Variants in TSNARE1 observed in about 807,000 individuals in gnomAD.
TSNARE1 encodes t-SNARE domain containing 1, also known as t-SNARE domain-containing protein 1.
Under a neutral mutation model 62.0 loss-of-function variants are expected in TSNARE1, and 49 were observed. The ratio of observed to expected loss-of-function variants is 0.79; its 90% CI spans 0.63 to 1.00. TSNARE1 has a LOEUF of 1.00. TSNARE1 is among the 50% of genes least tolerant of loss of function. The pLI is 0.00. For synonymous variants in TSNARE1, 328 were observed against 294.4 expected (o/e 1.11, Z -1.17); for missense variants, 755 against 700.1 (o/e 1.08, Z -0.88).
intron 4 of TSNARE1, among the ~76,000 whole-genome samples, chr8:142,339,301 C>T (rs559314258): frequency 1.3e-5 from 2 of 152,136 alleles, no homozygotes; most frequent in African/African-American, 4.8e-5. Context: ...GCGAAGTTGA[C>T]GTTGACTAAG....
intron 9 of TSNARE1, among the ~76,000 whole-genome samples, chr8:142,306,213 G>C (rs536660700): frequency 6.6e-6 from 1 of 152,268 alleles, no homozygotes; most frequent in African/African-American, 2.4e-5. Flanking sequence ...CCAGCCCCAC[G>C]TTAAATCAAA....
intron 6 of TSNARE1, among the ~76,000 whole-genome samples, chr8:142,330,658 G>A (rs1442284044): frequency 2.0e-5 from 3 of 152,234 alleles, no homozygotes; most frequent in African/African-American, 4.8e-5. Context: ...CTACGTCGGG[G>A]CGGGGTGCAC....
Position 142,282,039 on chromosome 8 carries a change from C to G in TSNARE1, c.1363+2374G>C, listed in dbSNP as rs117457718. On this transcript the variant is annotated intron_variant, in intron 11 of 13. Coordinates refer to ENST00000524325, the MANE Select transcript of TSNARE1 (RefSeq NM_145003.5). ...CGCTAAGGTAGGACCTGACTCTAGGCACCCGGGCACCCCTGCTGCTTCACT... is the reference window on the plus strand; with the variant it reads ...CGCTAAGGTAGGACCTGACTCTAGGGACCCGGGCACCCCTGCTGCTTCACT... Among the ~76,000 whole-genome samples, 470 of 152,342 alleles carry G rather than the reference C, an allele frequency of 3.1e-3. 13 individuals carry two copies. The East Asian group carries it at 0.076, about 25-fold the overall frequency.
At chr8:142,392,721 G>A (rs1837617212) in intron 1 of TSNARE1, among the ~76,000 whole-genome samples, 1 of 152,152 alleles carries the variant, frequency 6.6e-6, no homozygotes, top group Non-Finnish European at 1.5e-5. Context: ...GATCACCTGA[G>A]GTCGGGAGTT....
In TSNARE1 at chr8:142,233,107, A is replaced by ACC. The variant is rs533438528; in HGVS notation, c.1447-3530_1447-3529dup. On this transcript the variant is annotated intron_variant, in intron 12 of 13. Coordinates refer to ENST00000524325, the MANE Select transcript of TSNARE1 (RefSeq NM_145003.5). ...CACACAGCCCCCACTCATAGGGCTG[A>ACC]CCTTTCTGGCTCCCCAGTGAAAATG... is the stretch of plus-strand genomic sequence containing the variant. Among the ~76,000 whole-genome samples the ACC allele has an allele frequency of 2.7e-3, 417 of 152,264 alleles. 3 individuals carry two copies. The highest frequency in any genetic ancestry group is 0.024 in the Middle Eastern group (7 of 294).
chr8:142,255,758 CCAT>C (rs1563781232), intron 12 of TSNARE1, among the ~76,000 whole-genome samples: 16 of 51,044 alleles, frequency 3.1e-4, no homozygotes, highest in Non-Finnish European at 7.4e-4. Flanking sequence ...ATCACCACCA[CCAT>C]CACCATCACC....
intron 12 of TSNARE1, among the ~76,000 whole-genome samples, chr8:142,233,960 T>A (rs1046535931): frequency 1.3e-5 from 2 of 152,104 alleles, no homozygotes; most frequent in Non-Finnish European, 2.9e-5. Flanking sequence ...CTCACCTCCT[T>A]CCCCAGTGGA....
At chr8:142,402,422 G>T (rs1007654470) in intron 1 of TSNARE1, among the ~76,000 whole-genome samples, 2 of 152,214 alleles carry the variant, frequency 1.3e-5, no homozygotes, top group African/African-American at 2.4e-5. Flanking sequence ...ACATGCCTAG[G>T]GGCTACCACA....
intron 1 of TSNARE1, among the ~76,000 whole-genome samples, chr8:142,368,201 A>G (rs367959218): frequency 1.2e-4 from 18 of 152,322 alleles, no homozygotes; most frequent in African/African-American, 4.3e-4. Context: ...TTTGCAACAT[A>G]TGCCAAAGGA....
Position 142,319,795 on chromosome 8 carries a change from C to A in TSNARE1, c.894-1161G>T, listed in dbSNP as rs1323873748. On this transcript the variant is annotated intron_variant, in intron 6 of 13. Coordinates refer to ENST00000524325, the MANE Select transcript of TSNARE1 (RefSeq NM_145003.5). The surrounding 1 kb of genome is among the most constrained non-coding windows in gnomAD (Gnocchi z 4.9). Reference sequence around the variant, plus strand: ...GCACACAGAGGAGTAAGACTGCCCCCCCAGAACAGGCACCCAGCAGGCTAG... The same window carrying A: ...GCACACAGAGGAGTAAGACTGCCCCACCAGAACAGGCACCCAGCAGGCTAG... Among the ~76,000 whole-genome samples, 1 of 152,146 alleles carries A rather than the reference C, an allele frequency of 6.6e-6. No homozygotes were observed. Among genetic ancestry groups the A allele is most frequent in the Non-Finnish European group, 1.5e-5 (1 of 68,006 alleles).
At chr8:142,279,512 G>A (rs1008190073) in intron 11 of TSNARE1, among the ~76,000 whole-genome samples, 3 of 152,212 alleles carry the variant, frequency 2.0e-5, no homozygotes, top group African/African-American at 4.8e-5. Flanking sequence ...CAGTGACTAG[G>A]ACCCAGCATC....
At chr8:142,222,743 C>G (rs201763566) in intron 13 of TSNARE1, among the ~76,000 whole-genome samples, 1 of 83,694 alleles carries the variant, frequency 1.2e-5, no homozygotes, top group Non-Finnish European at 2.3e-5. Flanking sequence ...CACTCACTCA[C>G]TCACTCATCC....
intron 2 of TSNARE1, among the ~76,000 whole-genome samples, chr8:142,352,732 T>C (rs1051305200): frequency 6.6e-5 from 10 of 152,126 alleles, no homozygotes; most frequent in African/African-American, 2.2e-4. Flanking sequence ...CTCAGCAACA[T>C]ACGGCTCAGG....
rs775530601 is a variant in TSNARE1 at position 142,274,809 on chromosome 8, T to A, written c.1418A>T (p.Gln473Leu). Reference sequence around the variant, plus strand: ...GTGCCGGCTGGCTCCAGCCAGGAGCTGGCGGGCTGCCTCCGCATGCGAGGA... The same window carrying A: ...GTGCCGGCTGGCTCCAGCCAGGAGCAGGCGGGCTGCCTCCGCATGCGAGGA... ...AASSHAEAAR[Q>L]LLAGASRHQL... The change falls in exon 12 of 14, where the codon CAG (glutamine) becomes CTG (leucine). Residue 473 changes from glutamine to leucine, a missense_variant. Physicochemically the swap from Gln to Leu is moderately radical, Grantham distance 113 (BLOSUM62 -2). Transcript: ENST00000524325. 3.8e-6 allele frequency: 6 copies of A among 1,580,072 alleles called. No individual in the cohort carries two copies. Among genetic ancestry groups the A allele is most frequent in the Non-Finnish European group, 5.2e-6 (6 of 1,164,076 alleles).
intron 11 of TSNARE1, chr8:142,278,748 C>A (rs934299951): frequency 3.0e-6 from 3 of 985,296 alleles, no homozygotes; most frequent in Non-Finnish European, 3.6e-6. Context: ...GGGGGCACAG[C>A]GTGCCTGACA....
Position 142,319,388 on chromosome 8 carries a change from C to T in TSNARE1, c.894-754G>A, listed in dbSNP as rs1458094694. Among the ~76,000 whole-genome samples the T allele has an allele frequency of 3.9e-5, 6 of 152,064 alleles. No homozygotes were observed. Among genetic ancestry groups the T allele is most frequent in the Non-Finnish European group, 8.8e-5 (6 of 67,976 alleles). On this transcript the variant is annotated intron_variant, in intron 6 of 13. Coordinates refer to ENST00000524325, the MANE Select transcript of TSNARE1 (RefSeq NM_145003.5). This position sits in a 1 kb window ranked among gnomAD's most constrained non-coding sequence, Gnocchi z 4.9. The stretch of plus-strand genomic sequence containing the variant: ...TCTCACACCCAGACCCAGGGAGACA[C>T]AAGGAGGCCAGGACAGTCCCAGGTT...
chr8:142,317,285 C>T lies in TSNARE1; in HGVS notation c.984+1259G>A, dbSNP rs541956073. ...GGTATGGCCAGCGGCTCACACTGTACGCGTGAAGCGGGTATGGCCAGCGGC... is the reference window on the plus strand; with the variant it reads ...GGTATGGCCAGCGGCTCACACTGTATGCGTGAAGCGGGTATGGCCAGCGGC... On this transcript the variant is annotated intron_variant, in intron 7 of 13. Transcript: ENST00000524325. Among the ~76,000 whole-genome samples, 4 of 149,098 alleles carry T rather than the reference C, an allele frequency of 2.7e-5. No individual in the cohort carries two copies. The South Asian group carries it at 6.4e-4, about 24-fold the overall frequency.
At chr8:142,281,493 C>T (rs1380614258) in intron 11 of TSNARE1, among the ~76,000 whole-genome samples, 4 of 151,950 alleles carry the variant, frequency 2.6e-5, no homozygotes, top group African/African-American at 9.7e-5. Flanking sequence ...TTGGGGGCCG[C>T]ACAGGCAGGC....
intron 12 of TSNARE1, among the ~76,000 whole-genome samples, chr8:142,239,818 C>T (rs1405982451): frequency 6.6e-6 from 1 of 152,194 alleles, no homozygotes; most frequent in Non-Finnish European, 1.5e-5. Flanking sequence ...ATTGGAGCAT[C>T]CTGATAAGGA....
Sources: gnomAD v4.1 joint callset for allele counts (sites outside exome capture counted in the v4.1 genomes callset) on GRCh38, gnomAD v4.1.1 for gene constraint, Gnocchi (gnomAD v3.1) non-coding constraint, MANE v1.5 for transcripts, NCBI Gene and HGNC (gene_info 2026-07-23, HGNC 2026-07-21) for gene names.